SSPN: variants seen among roughly 807,000 people sequenced by gnomAD.
The protein encoded by SSPN is sarcospan.
SSPN carries 15 observed loss-of-function variants against 19.1 expected under a neutral mutation model. That is an observed-to-expected ratio of 0.78 (90% CI 0.52 to 1.21). The LOEUF (loss-of-function observed/expected upper bound fraction) is 1.21. SSPN is among the 50% of genes most tolerant of loss of function. The pLI, the probability that SSPN is intolerant of heterozygous loss-of-function variation, is 0.00. For missense variants in SSPN, 291 were observed against 314.0 expected, an observed-to-expected ratio of 0.93 and a Z score of 0.55; for synonymous variants, 147 against 140.3, an observed-to-expected ratio of 1.05 and a Z score of -0.34.
At chr12:26,185,367 T>G (rs187681765) in intron 1 of SSPN, among the ~76,000 whole-genome samples, 5 of 152,326 alleles carry the variant, frequency 3.3e-5, no homozygotes, top group Admixed American at 3.3e-4. Flanking sequence ...TGCAAATGAT[T>G]GACAGGCATG....
At chr12:26,195,365 C>G, upstream of SSPN, 1 of 324,810 alleles carries the variant, frequency 3.1e-6, no homozygotes, top group East Asian at 5.1e-5. Flanking sequence ...CGCAGCCTGT[C>G]TGAAGTGCAG....
chr12:26,122,786 G>C, intron 1 of SSPN: 1 of 1,588,424 alleles, frequency 6.3e-7, no homozygotes, highest in Non-Finnish European at 8.5e-7. Flanking sequence ...CGGCTTCGCC[G>C]CCGTAGCCGC....
At chr12:26,125,273 C>G (rs1247569902) in intron 1 of SSPN, 8 of 134,854 alleles carry the variant, frequency 5.9e-5, no homozygotes, top group Admixed American at 3.7e-4. Flanking sequence ...GCGATGCAGT[C>G]GGCAGGAGGA....
chr12:26,186,214 A>AG (rs1944753205), intron 1 of SSPN, among the ~76,000 whole-genome samples: 1 of 148,174 alleles, frequency 6.7e-6, no homozygotes, highest in Admixed American at 6.7e-5. Flanking sequence ...TAAAAAAAAA[A>AG]CAACAACCAT....
At chr12:26,147,575 A>G (rs1050791295) in intron 1 of SSPN, among the ~76,000 whole-genome samples, 1 of 152,212 alleles carries the variant, frequency 6.6e-6, no homozygotes, top group Non-Finnish European at 1.5e-5. Flanking sequence ...CCAGCCCAGC[A>G]ATAATATTTA....
intron 1 of SSPN, among the ~76,000 whole-genome samples, chr12:26,210,484 GTC>G: frequency 6.6e-6 from 1 of 151,794 alleles, no homozygotes; most frequent in South Asian, 2.1e-4. Context: ...TTTACCCTTT[GTC>G]TCTCCTTTCT....
At chr12:26,185,283 G>T (rs1304858690) in intron 1 of SSPN, among the ~76,000 whole-genome samples, 1 of 152,186 alleles carries the variant, frequency 6.6e-6, no homozygotes, top group Non-Finnish European at 1.5e-5. Context: ...GAAAAGGCAG[G>T]TTCCTGCCCG....
At chr12:26,135,048 CT>C (rs2137399920) in intron 1 of SSPN, 1 of 152,390 alleles carries the variant, frequency 6.6e-6, no homozygotes, top group African/African-American at 2.4e-5. Flanking sequence ...GAGTTTCTCA[CT>C]TGCAGAACTT....
rs1434961469 is a variant in SSPN at position 26,230,991 on chromosome 12, T to C, written c.647T>C (p.Met216Thr). ...GTGTGCTTGTTGGCCTGCTTTGTGA[T>C]GTGGAAACATAGGTACCAGGTCTTC... The part of the protein sequence containing the change: ...GLVCLLACFV[M>T]WKHRYQVFYV... The change falls in exon 3 of 3, where the codon ATG becomes ACG. Residue 216 changes from methionine (M) to threonine (T), a missense_variant. Around this residue, in one of 3 missense-constraint regions of SSPN, gnomAD observed 141 missense variants for 166.7 expected, o/e 0.85. Coordinates refer to ENST00000242729, the MANE Select transcript of SSPN (RefSeq NM_005086.5). The C allele has an allele frequency of 1.2e-6, 2 of 1,614,096 alleles. No homozygotes were observed. The highest frequency in any genetic ancestry group is 1.7e-6 in the Non-Finnish European group (2 of 1,180,044).
intron 1 of SSPN, chr12:26,124,158 T>G: frequency 6.2e-7 from 1 of 1,609,524 alleles, no homozygotes. Context: ...TCTATTAATC[T>G]GTGCGGTAAT....
chr12:26,226,233 G>A (rs1055047570), intron 2 of SSPN, among the ~76,000 whole-genome samples: 6 of 152,122 alleles, frequency 3.9e-5, no homozygotes, highest in Admixed American at 1.3e-4. Flanking sequence ...GACACAACAG[G>A]GGACAGCTGA....
At chr12:26,122,772 G>A in intron 1 of SSPN, 1 of 1,590,388 alleles carries the variant, frequency 6.3e-7, no homozygotes, top group Non-Finnish European at 8.5e-7. Context: ...GTCCGGCCGG[G>A]CCTCGGCTTC....
At chr12:26,143,094 A>C (rs1051065236) in intron 1 of SSPN, among the ~76,000 whole-genome samples, 1 of 152,362 alleles carries the variant, frequency 6.6e-6, no homozygotes, top group East Asian at 1.9e-4. Flanking sequence ...GTAGGATATC[A>C]TACACATATT....
intron 1 of SSPN, among the ~76,000 whole-genome samples, chr12:26,218,558 A>G (rs926668877): frequency 1.3e-5 from 2 of 151,900 alleles, no homozygotes; most frequent in Admixed American, 6.6e-5. Flanking sequence ...TTCTGAGGAT[A>G]AGACCAATAT....
rs999093601 is a variant in SSPN at position 26,124,872 on chromosome 12, GT to G, written c.-31+2721del. On this transcript the variant is annotated intron_variant, in intron 1 of 2. Transcript: ENST00000538142. ...GGCTTGGGAGACCTTGGGGGGATCT[GT>G]GCGTCTCCAGTCTCTCTCTCGCTCT... is the stretch of plus-strand genomic sequence containing the variant. 1.4e-5 allele frequency: 17 copies of G among 1,237,580 alleles called. No homozygotes were observed. In the African/African-American group the frequency reaches 2.2e-4, roughly 16 times the overall value. 76.7% of individuals were successfully genotyped at this position (1,237,580 alleles called of 1,614,324 possible). A position where few individuals can be genotyped will look rare whatever the true frequency, so the allele number is the denominator to read the frequency against.
rs1435175853 is a variant in SSPN at position 26,231,532 on chromosome 12, G to A, written c.*456G>A. ...TCAGCCCCACTCTGTCTTGGAGACA[G>A]GCAGGAGGTGGGGGAAGAGCTGAAT... On this transcript the variant is annotated 3_prime_UTR_variant, in exon 3 of 3. Coordinates refer to ENST00000242729, the MANE Select transcript of SSPN (RefSeq NM_005086.5). 1 of 155,782 alleles carries A rather than the reference G, an allele frequency of 6.4e-6. No individual in the cohort carries two copies. The allele number at this position is 155,782 out of a possible 1,614,324, so 9.6% of individuals were successfully genotyped here. A position where few individuals can be genotyped will look rare whatever the true frequency, so the allele number is the denominator to read the frequency against.
chr12:26,201,031 A>ATATATAT (rs1555179559), intron 1 of SSPN, among the ~76,000 whole-genome samples: 207 of 60,490 alleles, frequency 3.4e-3, no homozygotes, highest in African/African-American at 0.012. Context: ...ATATATATAT[A>ATATATAT]TATATATATA....
intron 1 of SSPN, among the ~76,000 whole-genome samples, chr12:26,164,142 G>C (rs974082404): frequency 6.6e-6 from 1 of 152,202 alleles, no homozygotes; most frequent in African/African-American, 2.4e-5. Context: ...ATAATCACCT[G>C]AACTGCAGAC....
At chr12:26,158,718 C>T (rs1328580403) in intron 1 of SSPN, among the ~76,000 whole-genome samples, 2 of 152,262 alleles carry the variant, frequency 1.3e-5, no homozygotes, top group African/African-American at 2.4e-5. Flanking sequence ...CTGCAGCAGA[C>T]CCCTGGAACC....
Sources: gnomAD v4.1 joint callset for allele counts (sites outside exome capture counted in the v4.1 genomes callset) on GRCh38, gnomAD v4.1.1 for gene constraint, gnomAD v4.1.1 regional missense constraint, MANE v1.5 for transcripts, NCBI Gene and HGNC (gene_info 2026-07-23, HGNC 2026-07-21) for gene names.